LPP: variants seen among roughly 807,000 people sequenced by gnomAD.
The protein encoded by LPP is LIM domain containing preferred translocation partner in lipoma, also known as lipoma-preferred partner.
LPP carries 38 observed loss-of-function variants against 60.4 expected under a neutral mutation model. That is an observed-to-expected ratio of 0.63 (90% confidence interval 0.49 to 0.83). The LOEUF is 0.83. Ranked by LOEUF, LPP falls within the 40% of genes least tolerant of loss-of-function variation. LPP has a pLI of 0.00. For missense variants in LPP, 902 were observed against 783.6 expected (o/e 1.15, Z -1.80); for synonymous variants, 328 against 290.8 (o/e 1.13, Z -1.30).
chr3:188,611,535 T>A (rs961441335), intron 7 of LPP, among the ~76,000 whole-genome samples: 2 of 152,162 alleles, frequency 1.3e-5, no homozygotes, highest in African/African-American at 4.8e-5. Flanking sequence ...CCAGGGAAGA[T>A]TACAGTAAAA....
At chr3:188,668,843 C>T (rs1560037647) in intron 7 of LPP, among the ~76,000 whole-genome samples, 2 of 152,188 alleles carry the variant, frequency 1.3e-5, no homozygotes, top group Non-Finnish European at 2.9e-5. Context: ...CGCTTCTCAG[C>T]TTTTTGGCTA....
intron 3 of LPP, among the ~76,000 whole-genome samples, chr3:188,346,595 A>T (rs566039971): frequency 4.7e-4 from 72 of 152,186 alleles, no homozygotes; most frequent in African/African-American, 1.6e-3. Flanking sequence ...ACGTGTGTGT[A>T]TGTGCGTGCA....
At position 188,596,305 on chromosome 3, in the gene LPP, A is replaced by G. The variant is rs369581651; in HGVS notation, c.430-12856A>G. On this transcript the variant is annotated intron_variant, in intron 6 of 11. Coordinates refer to ENST00000617246, the MANE Select transcript of LPP (RefSeq NM_001375462.1). ...TATGTGCTTTCATAGCTTGTTTTAC[A>G]GGGATAAAGGGATGTGTACAGGTTT... Among the ~76,000 whole-genome samples, 12 of 152,294 alleles carry G rather than the reference A, an allele frequency of 7.9e-5. No homozygotes were observed. The East Asian group carries it at 1.5e-3, about 20-fold the overall frequency.
intron 1 of LPP, among the ~76,000 whole-genome samples, chr3:188,157,318 A>G (rs1217046567): frequency 6.6e-6 from 1 of 150,816 alleles, no homozygotes; most frequent in Non-Finnish European, 1.5e-5. Context: ...CAAAATTACA[A>G]CCCAGAACTT....
At position 188,886,662 on chromosome 3, in the gene LPP, C is replaced by T. The variant is rs1770699564; in HGVS notation, c.*12183C>T. 4.6e-6 allele frequency: 1 copy of T among 216,398 alleles called. No individual in the cohort carries two copies. The highest frequency in any genetic ancestry group is 2.3e-5 in the African/African-American group (1 of 43,690). 13.4% of individuals were successfully genotyped at this position (216,398 alleles called of 1,614,324 possible). A position where few individuals can be genotyped will look rare whatever the true frequency, so the allele number is the denominator to read the frequency against. ...AAAACTAATAAAAATTTTCGTATTT[C>T]ACTTTACATAATATGTTCTCCCATA... On this transcript the variant is annotated 3_prime_UTR_variant, in exon 12 of 12. Transcript: ENST00000617246.
At chr3:188,826,520 T>C (rs1755546452) in intron 9 of LPP, among the ~76,000 whole-genome samples, 1 of 152,192 alleles carries the variant, frequency 6.6e-6, no homozygotes, top group Non-Finnish European at 1.5e-5. Context: ...TATCTTAGAT[T>C]GCTACTCTAG....
chr3:188,425,633 A>T (rs1451551493), intron 4 of LPP, among the ~76,000 whole-genome samples: 1 of 152,118 alleles, frequency 6.6e-6, no homozygotes, highest in African/African-American at 2.4e-5. Context: ...AGAACTTGTT[A>T]TTGGTCTATT....
intron 9 of LPP, among the ~76,000 whole-genome samples, chr3:188,798,389 C>T (rs1746015419): frequency 6.6e-6 from 1 of 152,186 alleles, no homozygotes; most frequent in Non-Finnish European, 1.5e-5. Context: ...CAATGCCACT[C>T]ATAAATCTAG....
rs1016567070 is a variant in LPP at position 188,877,822 on chromosome 3, C to A, written c.*3343C>A. The A allele has an allele frequency of 9.2e-6, 2 of 216,424 alleles. No homozygotes were observed. Among genetic ancestry groups the A allele is most frequent in the African/African-American group, 4.5e-5 (2 of 44,380 alleles). 13.4% of individuals were successfully genotyped at this position (216,424 alleles called of 1,614,324 possible). A position where few individuals can be genotyped will look rare whatever the true frequency, so the allele number is the denominator to read the frequency against. On this transcript the variant is annotated 3_prime_UTR_variant, in exon 12 of 12. Transcript: ENST00000617246. ...GCATCAGGTTGTTAGATGCTGGCAT[C>A]TCTGCAGCTCAAAGATGTGGGTTCT...
chr3:188,592,557 G>GTTTGTTTTTTTTTT (rs1260656926), intron 6 of LPP, among the ~76,000 whole-genome samples: 23 of 85,722 alleles, frequency 2.7e-4, no homozygotes, highest in South Asian at 5.8e-4. Flanking sequence ...TTTTGTTTTT[G>GTTTGTTTTTTTTTT]TTTTTTAAAT....
At chr3:188,445,692 T>C (rs756529477) in intron 4 of LPP, among the ~76,000 whole-genome samples, 1 of 151,898 alleles carries the variant, frequency 6.6e-6, no homozygotes. Context: ...ATTCAGGCAA[T>C]GTTTGGAACT....
chr3:188,884,486 T>C lies in LPP; in HGVS notation c.*10007T>C. 4.4e-6 allele frequency: 1 copy of C among 229,192 alleles called. No homozygotes were observed. The highest frequency in any genetic ancestry group is 5.7e-5 in the Admixed American group (1 of 17,648). The allele number at this position is 229,192 out of a possible 1,614,324, so 14.2% of individuals were successfully genotyped here. ...TGTCTTCTTGTGGGAAACCTCTAGG[T>C]ATTCTGTCTGATCAGCACTGTGAGG... On this transcript the variant is annotated 3_prime_UTR_variant, in exon 12 of 12. Coordinates refer to ENST00000617246, the MANE Select transcript of LPP (RefSeq NM_001375462.1).
intron 4 of LPP, among the ~76,000 whole-genome samples, chr3:188,441,271 A>T (rs1043912946): frequency 1.3e-5 from 2 of 152,124 alleles, no homozygotes; most frequent in African/African-American, 4.8e-5. Context: ...TCAAAGTCCT[A>T]CAACAGTAAT....
intron 2 of LPP, among the ~76,000 whole-genome samples, chr3:188,240,909 G>C (rs958863842): frequency 6.6e-6 from 1 of 152,154 alleles, no homozygotes; most frequent in Non-Finnish European, 1.5e-5. Flanking sequence ...GGAGAGCAAG[G>C]CCAGTTAGGG....
chr3:188,436,296 A>C (rs1402826581), intron 4 of LPP, among the ~76,000 whole-genome samples: 1 of 152,186 alleles, frequency 6.6e-6, no homozygotes. Context: ...GCTGATATAT[A>C]ATTGACGTTA....
At chr3:188,788,207 G>A (rs1269688820) in intron 9 of LPP, among the ~76,000 whole-genome samples, 1 of 152,136 alleles carries the variant, frequency 6.6e-6, no homozygotes, top group Non-Finnish European at 1.5e-5. Flanking sequence ...TCATTACTTG[G>A]AAGAGACAGT....
chr3:188,547,554 G>C (rs760712815), intron 6 of LPP, among the ~76,000 whole-genome samples: 6 of 152,126 alleles, frequency 3.9e-5, no homozygotes, highest in Non-Finnish European at 5.9e-5. Flanking sequence ...ATTTGCAAGA[G>C]CTTTACTGCT....
At chr3:188,188,579 C>T (rs1023234625) in intron 1 of LPP, among the ~76,000 whole-genome samples, 4 of 152,030 alleles carry the variant, frequency 2.6e-5, no homozygotes, top group African/African-American at 9.7e-5. Flanking sequence ...TTGGGAAAAA[C>T]CAGATTCATT....
chr3:188,268,110 G>C (rs1380542815), intron 2 of LPP, among the ~76,000 whole-genome samples: 1 of 133,954 alleles, frequency 7.5e-6, no homozygotes. Context: ...TATTTATTCT[G>C]CACCTACCTG....
Sources: gnomAD v4.1 joint callset for allele counts (sites outside exome capture counted in the v4.1 genomes callset) on GRCh38, gnomAD v4.1.1 for gene constraint, MANE v1.5 for transcripts, NCBI Gene and HGNC (gene_info 2026-07-23, HGNC 2026-07-21) for gene names.